DLC1: variants seen among roughly 807,000 people sequenced by gnomAD.
DLC1 encodes the protein DLC1 Rho GTPase activating protein.
Under a neutral mutation model 140.3 loss-of-function variants are expected in DLC1, and 54 were observed. The observed-to-expected ratio is 0.38, with a 90% CI of 0.31 to 0.48. DLC1 has a LOEUF of 0.48. DLC1 is among the 20% of genes least tolerant of loss of function. The pLI is 0.96. For missense variants in DLC1, 2,536 were observed against 1,907.0 expected (o/e 1.33, Z -6.14); for synonymous variants, 986 against 728.1 (o/e 1.35, Z -5.70).
intron 5 of DLC1, among the ~76,000 whole-genome samples, chr8:13,170,363 ATAG>A (rs1825376685): frequency 6.6e-6 from 1 of 152,264 alleles, no homozygotes; most frequent in African/African-American, 2.4e-5. Flanking sequence ...CTAGAAATTA[ATAG>A]TAGTCTTCTG....
chr8:13,328,349 C>G (rs1308984941), intron 4 of DLC1, among the ~76,000 whole-genome samples: 1 of 151,088 alleles, frequency 6.6e-6, no homozygotes, highest in East Asian at 1.9e-4. Flanking sequence ...GTATTCATGC[C>G]TCAGTTATAT....
At chr8:13,386,820 G>T (rs1281125097) in intron 4 of DLC1, among the ~76,000 whole-genome samples, 2 of 151,906 alleles carry the variant, frequency 1.3e-5, no homozygotes, top group Non-Finnish European at 2.9e-5. Context: ...GCTCTCTGGT[G>T]ACTCAGTTCT....
At chr8:13,384,863 G>A (rs1216544096) in intron 4 of DLC1, among the ~76,000 whole-genome samples, 1 of 152,034 alleles carries the variant, frequency 6.6e-6, no homozygotes, top group African/African-American at 2.4e-5. Context: ...AAGTACTGGG[G>A]GCAACTTCGT....
chr8:13,436,372 C>G (rs1839123330), intron 2 of DLC1, among the ~76,000 whole-genome samples: 1 of 152,202 alleles, frequency 6.6e-6, no homozygotes, highest in South Asian at 2.1e-4. Context: ...GACATCATAT[C>G]AAATTTTACT....
At chr8:13,349,693 C>A (rs139487519) in intron 4 of DLC1, among the ~76,000 whole-genome samples, 1 of 152,182 alleles carries the variant, frequency 6.6e-6, no homozygotes, top group Non-Finnish European at 1.5e-5. Flanking sequence ...GGATTTGTTG[C>A]TGATGGTGTT....
At chr8:13,200,028 C>G (rs939253144) in intron 5 of DLC1, among the ~76,000 whole-genome samples, 24 of 151,914 alleles carry the variant, frequency 1.6e-4, no homozygotes, top group Non-Finnish European at 3.1e-4. Context: ...TCATAACAAC[C>G]CTATAAGAGA....
chr8:13,325,533 G>A (rs927115520), intron 4 of DLC1, among the ~76,000 whole-genome samples: 1 of 152,106 alleles, frequency 6.6e-6, no homozygotes, highest in African/African-American at 2.4e-5. Flanking sequence ...GCTGGTTGAT[G>A]AGTGGGTAGT....
chr8:13,153,505 A>G (rs538177501), intron 5 of DLC1, among the ~76,000 whole-genome samples: 1 of 152,320 alleles, frequency 6.6e-6, no homozygotes, highest in African/African-American at 2.4e-5. Context: ...CGACCCAAAC[A>G]GGTCGCCACT....
chr8:13,140,273 C>G (rs11784653), intron 5 of DLC1, among the ~76,000 whole-genome samples: 22,095 of 152,102 alleles, frequency 0.15, 1,899 homozygotes, highest in South Asian at 0.21. Flanking sequence ...TGCTCTGTTA[C>G]CCAGGCTAGA....
At chr8:13,219,063 C>T (rs182895455) in intron 5 of DLC1, among the ~76,000 whole-genome samples, 3,824 of 36,528 alleles carry the variant, frequency 0.1, 722 homozygotes, top group East Asian at 0.3. Context: ...AATATAATTA[C>T]GTGAATATAA....
At chr8:13,470,075 T>TC (rs1800138248) in intron 2 of DLC1, among the ~76,000 whole-genome samples, 1 of 152,144 alleles carries the variant, frequency 6.6e-6, no homozygotes, top group Non-Finnish European at 1.5e-5. Context: ...AACCTTATTT[T>TC]TTTCCCCCTT....
At chr8:13,341,517 C>T (rs1729117) in intron 4 of DLC1, 142,171 of 152,224 alleles carry the variant, frequency 0.93, 66,853 homozygotes, top group East Asian at 1. Flanking sequence ...TCCTCGAATA[C>T]GCTGCTGCTG....
intron 2 of DLC1, among the ~76,000 whole-genome samples, chr8:13,478,156 A>G (rs1234950544): frequency 1.3e-5 from 2 of 152,214 alleles, no homozygotes; most frequent in South Asian, 2.1e-4. Flanking sequence ...GAAGCATGGT[A>G]TAGGCATCTG....
intron 1 of DLC1, among the ~76,000 whole-genome samples, chr8:13,581,732 A>G (rs989758427): frequency 3.3e-5 from 5 of 152,162 alleles, no homozygotes; most frequent in African/African-American, 9.7e-5. Flanking sequence ...AATCTATTCT[A>G]TCGCTTCCCA....
Position 13,083,998 on chromosome 8 carries a change from C to T in DLC1, c.*1813G>A, listed in dbSNP as rs1817353472. The T allele has an allele frequency of 2.0e-5, 3 of 152,450 alleles. No homozygotes were observed. Among genetic ancestry groups the T allele is most frequent in the Admixed American group, 1.3e-4 (2 of 15,258 alleles). 9.4% of individuals were successfully genotyped at this position (152,450 alleles called of 1,614,324 possible). The stretch of plus-strand genomic sequence containing the variant: ...ATATAGAGCAAGTTATAAACCTCTT[C>T]CTTTTATTTATTTTCTTCACTTAGA... On this transcript the variant is annotated 3_prime_UTR_variant, in exon 18 of 18. Transcript: ENST00000276297.
intron 3 of DLC1, among the ~76,000 whole-genome samples, chr8:13,395,017 T>C (rs1436621345): frequency 1.2e-5 from 1 of 86,278 alleles, no homozygotes; most frequent in Non-Finnish European, 2.2e-5. Flanking sequence ...TATCTATCTA[T>C]CTATCTATCT....
chr8:13,300,037 G>T (rs1250810202), intron 5 of DLC1, among the ~76,000 whole-genome samples: 1 of 152,140 alleles, frequency 6.6e-6, no homozygotes, highest in Non-Finnish European at 1.5e-5. Context: ...CAACCCAAAT[G>T]CCCATCAGTG....
rs927031855 is a variant in DLC1, at chr8:13,297,769, T to C, written c.1348+7500A>G. 1.4e-4 allele frequency among the ~76,000 whole-genome samples: 22 copies of C among 152,346 alleles called. 1 individual carries two copies. In the East Asian group the frequency reaches 3.9e-3, roughly 27 times the overall value. On this transcript the variant is annotated intron_variant, in intron 5 of 17. Coordinates refer to ENST00000276297, the MANE Select transcript of DLC1 (RefSeq NM_182643.3). ...CAAATCTCTTTGGATTTGCATATCT[T>C]GGAGCGTGGCTCAGAGTGGATATAT...
At chr8:13,438,245 G>A (rs895295022) in intron 2 of DLC1, among the ~76,000 whole-genome samples, 3 of 152,096 alleles carry the variant, frequency 2.0e-5, no homozygotes, top group Non-Finnish European at 4.4e-5. Flanking sequence ...ATTTAAAAAT[G>A]TGTCCAGGAG....
Sources: allele counts gnomAD v4.1 joint callset (sites outside exome capture counted in the v4.1 genomes callset), GRCh38; gene constraint gnomAD v4.1.1; transcripts MANE v1.5; gene names NCBI Gene and HGNC (gene_info 2026-07-23, HGNC 2026-07-21).